The following ZNF444 variants were observed in gnomAD, a reference collection of about 807,000 sequenced individuals.
ZNF444 encodes the protein endothelial zinc finger protein 2.
In ZNF444, 8 loss-of-function variants were observed where a neutral mutation model predicts 14.4. The ratio of observed to expected loss-of-function variants is 0.56; its 90% CI spans 0.33 to 1.00. ZNF444 has a LOEUF of 1.00. Among genes scored for constraint, ZNF444 ranks in the 50% least tolerant of loss-of-function variants. ZNF444 has a pLI of 0.03. For synonymous variants in ZNF444, 258 were observed against 235.9 expected (o/e 1.09, Z -0.86); for missense variants, 510 against 504.8 (o/e 1.01, Z -0.10).
At chr19:56,159,134 G>A (rs1204260695) in intron 4 of ZNF444, among the ~76,000 whole-genome samples, 1 of 143,164 alleles carries the variant, frequency 7.0e-6, no homozygotes, top group Non-Finnish European at 1.5e-5. Context: ...CGTCCATCTA[G>A]TCATCCACCC....
Position 56,159,645 on chromosome 19 carries a change from A to C in ZNF444, c.428A>C (p.Glu143Ala), listed in dbSNP as rs760355555. 6.9e-7 allele frequency: 1 copy of C among 1,453,598 alleles called. No homozygotes were observed. Among genetic ancestry groups the C allele is most frequent in the Non-Finnish European group, 9.0e-7 (1 of 1,107,748 alleles). The allele number at this position is 1,453,598 out of a possible 1,614,324, so 90.0% of individuals were successfully genotyped here. A position where few individuals can be genotyped will look rare whatever the true frequency, so the allele number is the denominator to read the frequency against. ...IPLAGTAPGA[E>A]GPAPGDSQAV... is the part of the protein sequence containing the mutation. Reference sequence around the variant, plus strand: ...CCAGCAGGCACCGCCCCTGGGGCTGAGGGGCCGGCGCCTGGGGACTCCCAG... The same window carrying C: ...CCAGCAGGCACCGCCCCTGGGGCTGCGGGGCCGGCGCCTGGGGACTCCCAG... Residue 143 changes from glutamate (E) to alanine (A), a missense_variant, in exon 5 of 5, where the codon GAG becomes GCG. Glu to Ala is a moderately radical substitution (Grantham distance 107). Coordinates refer to ENST00000337080, the MANE Select transcript of ZNF444 (RefSeq NM_018337.4).
intron 3 of ZNF444, chr19:56,151,995 C>T (rs1323519899): frequency 2.2e-6 from 1 of 447,280 alleles, no homozygotes; most frequent in Non-Finnish European, 4.5e-6. Flanking sequence ...AGGAGAGGCT[C>T]CTGTACTGGT....
At chr19:56,138,235 G>A (rs962836704), upstream of ZNF444, among the ~76,000 whole-genome samples, 10 of 152,136 alleles carry the variant, frequency 6.6e-5, no homozygotes, top group East Asian at 1.7e-3. Context: ...ACTACAACAT[G>A]GATTAACCTT....
chr19:56,139,202 C>T (rs552923172), upstream of ZNF444, among the ~76,000 whole-genome samples: 5 of 151,816 alleles, frequency 3.3e-5, no homozygotes, highest in African/African-American at 4.8e-5. Flanking sequence ...ATCCCTTTGG[C>T]GCTGTGTGGA....
chr19:56,155,241 GTCC>G (rs971325298), intron 3 of ZNF444: 6 of 152,506 alleles, frequency 3.9e-5, no homozygotes, highest in East Asian at 3.9e-4. Context: ...GCTCCCAACT[GTCC>G]TCCTGCCGTG....
chr19:56,138,884 C>A (rs187788882), upstream of ZNF444, among the ~76,000 whole-genome samples: 1 of 150,134 alleles, frequency 6.7e-6, no homozygotes, highest in Non-Finnish European at 1.5e-5. Flanking sequence ...GCAACCTCCA[C>A]CTTCCAGGTT....
intron 1 of ZNF444, among the ~76,000 whole-genome samples, chr19:56,134,804 C>T (rs982391274): frequency 6.6e-6 from 1 of 150,966 alleles, no homozygotes; most frequent in African/African-American, 2.4e-5. Flanking sequence ...AAATGCAGAG[C>T]CCTGTGTTTA....
upstream of ZNF444, among the ~76,000 whole-genome samples, chr19:56,136,712 T>C (rs1285368692): frequency 3.3e-5 from 5 of 152,192 alleles, no homozygotes; most frequent in African/African-American, 1.2e-4. Flanking sequence ...GGAGGCCTTG[T>C]TGAAGTAAAT....
At chr19:56,136,204 T>G (rs1413504612) in intron 1 of ZNF444, among the ~76,000 whole-genome samples, 2 of 151,624 alleles carry the variant, frequency 1.3e-5, no homozygotes, top group Non-Finnish European at 2.9e-5. Context: ...TCCATTCAAG[T>G]GAAGACGCCG....
chr19:56,153,456 C>T (rs1031852810), intron 3 of ZNF444, among the ~76,000 whole-genome samples: 5 of 152,150 alleles, frequency 3.3e-5, no homozygotes, highest in Non-Finnish European at 7.3e-5. Flanking sequence ...TCCCAGCCTC[C>T]TCTTCTCCTG....
chr19:56,138,051 G>A (rs763391399), upstream of ZNF444, among the ~76,000 whole-genome samples: 6 of 152,128 alleles, frequency 3.9e-5, no homozygotes, highest in Non-Finnish European at 7.4e-5. Context: ...TTGAACCCTC[G>A]AGGTGGAGGT....
At chr19:56,159,129 A>G (rs1485836093) in intron 4 of ZNF444, among the ~76,000 whole-genome samples, 1 of 148,668 alleles carries the variant, frequency 6.7e-6, no homozygotes, top group African/African-American at 2.5e-5. Context: ...CCATCCGTCC[A>G]TCTAGTCATC....
At position 56,159,789 on chromosome 19, in the gene ZNF444, C is replaced by A; in HGVS notation, c.572C>A (p.Pro191Gln). The A allele has an allele frequency of 6.3e-7, 1 of 1,593,498 alleles. No homozygotes were observed. The highest frequency in any genetic ancestry group is 1.1e-5 in the South Asian group (1 of 88,802). The change falls in exon 5 of 5, where the codon CCA (proline) becomes CAA (glutamine). Residue 191 changes from proline (P) to glutamine (Q), a missense_variant. Coordinates refer to ENST00000337080, the MANE Select transcript of ZNF444 (RefSeq NM_018337.4). The part of the protein sequence containing the change: ...CPECGKTSLK[P>Q]AHLLRHRQSH... ...GAGTGCGGCAAAACGTCCCTGAAAC[C>A]AGCTCACCTGCTGCGCCACCGGCAG...
At chr19:56,159,354 A>C (rs1339535179) in intron 4 of ZNF444, among the ~76,000 whole-genome samples, 1 of 151,802 alleles carries the variant, frequency 6.6e-6, no homozygotes, top group African/African-American at 2.4e-5. Flanking sequence ...ATCACCCATC[A>C]TCCACCCACG....
chr19:56,137,078 C>T (rs2030629756), upstream of ZNF444, among the ~76,000 whole-genome samples: 1 of 151,202 alleles, frequency 6.6e-6, no homozygotes, highest in Non-Finnish European at 1.5e-5. Flanking sequence ...CCACTGTGCC[C>T]AGCCGAGAAT....
chr19:56,133,793 A>G (rs2030547948), intron 1 of ZNF444, among the ~76,000 whole-genome samples: 1 of 131,742 alleles, frequency 7.6e-6, no homozygotes, highest in Non-Finnish European at 1.6e-5. Context: ...AGCCTGGGCG[A>G]CAGAGCAAGA....
In ZNF444 at chr19:56,159,902, C is replaced by T; in HGVS notation, c.685C>T (p.His229Tyr). The T allele has an allele frequency of 1.3e-6, 2 of 1,515,048 alleles. No homozygotes were observed. The highest frequency in any genetic ancestry group is 1.8e-6 in the Non-Finnish European group (2 of 1,138,312). The allele number at this position is 1,515,048 out of a possible 1,614,324, so 93.9% of individuals were successfully genotyped here. A position where few individuals can be genotyped will look rare whatever the true frequency, so the allele number is the denominator to read the frequency against. Residue 229 changes from histidine (H) to tyrosine (Y), a missense_variant, in exon 5 of 5, where the codon CAC (histidine) becomes TAC (tyrosine). His to Tyr is a moderately conservative substitution (Grantham distance 83). Coordinates refer to ENST00000337080, the MANE Select transcript of ZNF444 (RefSeq NM_018337.4). ...KEHLRRHRDT[H>Y]PGSPGSPGPA... ...GCACCTGCGGCGCCACCGCGACACG[C>T]ACCCCGGCAGCCCCGGCAGCCCCGG...
Position 56,159,034 on chromosome 19 carries a change from A to G in ZNF444, c.406+432A>G, listed in dbSNP as rs537346601. Among the ~76,000 whole-genome samples the G allele has an allele frequency of 3.3e-5, 5 of 150,230 alleles. No individual in the cohort carries two copies. The South Asian group carries it at 1.1e-3, about 32-fold the overall frequency. Reference sequence around the variant, plus strand: ...CATCCACCCATGCACCCACCCATCCATCATCTGTACATTCATCCACCCATC... The same window carrying G: ...CATCCACCCATGCACCCACCCATCCGTCATCTGTACATTCATCCACCCATC... On this transcript the variant is annotated intron_variant, in intron 4 of 4. Coordinates refer to ENST00000337080, the MANE Select transcript of ZNF444 (RefSeq NM_018337.4).
In ZNF444 at chr19:56,160,235, G is replaced by A. The variant is rs1208055861; in HGVS notation, c.*34G>A. On this transcript the variant is annotated 3_prime_UTR_variant, in exon 5 of 5. Transcript: ENST00000337080. ...CGGCCAGCGCCATCTCCCGCCCTTGGTGCTGCCCCCGGGCGGTACCTGCTC... is the reference window on the plus strand; with the variant it reads ...CGGCCAGCGCCATCTCCCGCCCTTGATGCTGCCCCCGGGCGGTACCTGCTC... The A allele has an allele frequency of 2.1e-6, 3 of 1,402,552 alleles. No homozygotes were observed. Among genetic ancestry groups the A allele is most frequent in the South Asian group, 1.6e-5 (1 of 64,360 alleles). The allele number at this position is 1,402,552 out of a possible 1,614,324, so 86.9% of individuals were successfully genotyped here. A position where few individuals can be genotyped will look rare whatever the true frequency, so the allele number is the denominator to read the frequency against.
Sources: allele counts gnomAD v4.1 joint callset (sites outside exome capture counted in the v4.1 genomes callset), GRCh38; gene constraint gnomAD v4.1.1; transcripts MANE v1.5; gene names NCBI Gene and HGNC (gene_info 2026-07-23, HGNC 2026-07-21).